SPATA1: variants seen among roughly 807,000 people sequenced by gnomAD.
SPATA1 encodes the protein spermatogenesis-associated protein 1.
A neutral mutation model predicts 59.6 loss-of-function variants in SPATA1; 57 were observed. That is an observed-to-expected ratio of 0.96 (90% CI 0.77 to 1.19). The LOEUF (loss-of-function observed/expected upper bound fraction) is 1.19. Among genes scored for constraint, SPATA1 ranks in the 50% most tolerant of loss-of-function variants. The pLI is 0.00. For missense variants in SPATA1, 448 were observed against 480.7 expected (o/e 0.93, Z 0.64); for synonymous variants, 147 against 163.9 (o/e 0.90, Z 0.79).
intron 10 of SPATA1, among the ~76,000 whole-genome samples, chr1:84,546,104 C>A (rs1684077202): frequency 6.6e-6 from 1 of 152,178 alleles, no homozygotes; most frequent in Admixed American, 6.5e-5. Flanking sequence ...ACAATCTTGT[C>A]CCTGCCCACA....
intron 4 of SPATA1, chr1:84,563,856 C>G (rs1487002353): frequency 6.3e-7 from 1 of 1,592,354 alleles, no homozygotes; most frequent in Admixed American, 1.8e-5. Context: ...AGAGAAAAAG[C>G]ATATTTGTTT....
downstream of SPATA1, chr1:84,555,111 C>T (rs1212589545): frequency 8.7e-6 from 14 of 1,613,710 alleles, no homozygotes; most frequent in African/African-American, 4.0e-5. Flanking sequence ...GCCAATGCCC[C>T]GTAAGCGATA....
intron 1 of SPATA1, among the ~76,000 whole-genome samples, chr1:84,510,286 A>G (rs953475050): frequency 6.6e-6 from 1 of 152,256 alleles, no homozygotes; most frequent in Non-Finnish European, 1.5e-5. Context: ...TAACCAGAAT[A>G]TATAAGGAGC....
At position 84,544,407 on chromosome 1, in the gene SPATA1, GATAA is replaced by G. The variant is rs553088849; in HGVS notation, c.820+108_820+111del. 225 of 882,276 alleles carry G rather than the reference GATAA, an allele frequency of 2.6e-4. 2 individuals carry two copies. The South Asian group carries it at 3.3e-3, about 13-fold the overall frequency. The allele number at this position is 882,276 out of a possible 1,614,324, so 54.7% of individuals were successfully genotyped here. A position where few individuals can be genotyped will look rare whatever the true frequency, so the allele number is the denominator to read the frequency against. ...TGGGTATAGAGTTTCAGTTTGAGAAGATAAATAAGTTCTGGAGATGGGTGGTGGT... is the reference window on the plus strand; with the variant it reads ...TGGGTATAGAGTTTCAGTTTGAGAAGATAAGTTCTGGAGATGGGTGGTGGT... On this transcript the variant is annotated intron_variant, in intron 9 of 12. Coordinates refer to ENST00000490879, the Ensembl canonical transcript of SPATA1.
intron 4 of SPATA1, among the ~76,000 whole-genome samples, chr1:84,524,671 C>T (rs1683149392): frequency 6.6e-6 from 1 of 152,122 alleles, no homozygotes; most frequent in Admixed American, 6.5e-5. Flanking sequence ...CTAGAAATCA[C>T]TTCTCCCTGA....
At chr1:84,540,854 G>A (rs1451946637) in intron 8 of SPATA1, among the ~76,000 whole-genome samples, 2 of 152,096 alleles carry the variant, frequency 1.3e-5, no homozygotes, top group Non-Finnish European at 2.9e-5. Flanking sequence ...TTTTTAAAGA[G>A]TTGAAAAAAA....
intron 1 of SPATA1, among the ~76,000 whole-genome samples, chr1:84,512,129 A>G (rs1682591931): frequency 6.6e-6 from 1 of 152,220 alleles, no homozygotes; most frequent in African/African-American, 2.4e-5. Flanking sequence ...GATAGACTTC[A>G]CGCCTTGGTG....
At chr1:84,532,720 CTT>C (rs972500007) in intron 6 of SPATA1, 138 bp from the exon 7 acceptor site, 10 of 555,546 alleles carry the variant, frequency 1.8e-5, no homozygotes, top group African/African-American at 5.7e-5. Flanking sequence ...AAACTATTGA[CTT>C]ATATCTATAT....
intron 8 of SPATA1, among the ~76,000 whole-genome samples, chr1:84,543,770 G>A (rs1369227795): frequency 6.6e-6 from 1 of 151,986 alleles, no homozygotes. Context: ...GAGGAGATAA[G>A]ATATATTAGA....
downstream of SPATA1, chr1:84,555,161 G>T: frequency 6.2e-7 from 1 of 1,613,722 alleles, no homozygotes; most frequent in Middle Eastern, 1.7e-4. Context: ...TACTCTGAGG[G>T]TTATCATACC....
intron 6 of SPATA1, among the ~76,000 whole-genome samples, chr1:84,527,063 C>T (rs555414964): frequency 3.3e-5 from 5 of 152,078 alleles, no homozygotes; most frequent in Admixed American, 3.3e-4. Flanking sequence ...ATATTAAATG[C>T]ACCTAAGATG....
At chr1:84,557,831 G>A (rs190050945), downstream of SPATA1, among the ~76,000 whole-genome samples, 5 of 150,306 alleles carry the variant, frequency 3.3e-5, no homozygotes, top group East Asian at 5.9e-4. Flanking sequence ...GCACACCAGC[G>A]TGGGCGACAT....
chr1:84,517,853 T>C (rs976981265), intron 2 of SPATA1, among the ~76,000 whole-genome samples: 1 of 152,244 alleles, frequency 6.6e-6, no homozygotes, highest in East Asian at 1.9e-4. Context: ...AGTAGCTTCA[T>C]AACAAGTTCT....
intron 6 of SPATA1, among the ~76,000 whole-genome samples, chr1:84,532,271 A>G (rs1234765687): frequency 6.6e-6 from 1 of 152,188 alleles, no homozygotes; most frequent in African/African-American, 2.4e-5. Context: ...CAAGGTGGGC[A>G]TATCACCTGA....
At chr1:84,556,529 G>A (rs1232961146), downstream of SPATA1, among the ~76,000 whole-genome samples, 4 of 141,322 alleles carry the variant, frequency 2.8e-5, no homozygotes, top group East Asian at 7.9e-4. Flanking sequence ...TAGCCAACAT[G>A]GTGAAACCCC....
chr1:84,509,557 A>G (rs1682444959), intron 1 of SPATA1, among the ~76,000 whole-genome samples: 1 of 152,168 alleles, frequency 6.6e-6, no homozygotes, highest in Non-Finnish European at 1.5e-5. Flanking sequence ...TGAGGTCAGG[A>G]GTTTCAGGCC....
intron 1 of SPATA1, among the ~76,000 whole-genome samples, chr1:84,510,660 C>T (rs1682496304): frequency 6.6e-6 from 1 of 152,156 alleles, no homozygotes; most frequent in Non-Finnish European, 1.5e-5. Context: ...CCACTGCTAG[C>T]TATAGACCCA....
At chr1:84,508,364 C>T (rs574703305) in intron 1 of SPATA1, among the ~76,000 whole-genome samples, 2 of 151,722 alleles carry the variant, frequency 1.3e-5, no homozygotes, top group Admixed American at 6.6e-5. Context: ...AGTTTATGAA[C>T]TATCTGTATC....
chr1:84,566,082 TATATATATTTTTTACCTTATACTACACA>T, exon 5 of SPATA1: 1 of 977,742 alleles, frequency 1.0e-6, no homozygotes, highest in African/African-American at 1.7e-5. Context: ...TTTTTAAAAT[TATATATATTTTTTACCTTATACTACACA>T]AGGAAAAGGA....
Sources: allele counts gnomAD v4.1 joint callset (sites outside exome capture counted in the v4.1 genomes callset), GRCh38; gene constraint gnomAD v4.1.1; transcripts MANE v1.5; gene names NCBI Gene and HGNC (gene_info 2026-07-23, HGNC 2026-07-21).